The following CNTLN variants were observed in gnomAD, a reference collection of about 807,000 sequenced individuals.
CNTLN encodes the protein centlein, centrosomal protein.
Under a neutral mutation model 180.0 loss-of-function variants are expected in CNTLN, and 212 were observed. The ratio of observed to expected loss-of-function variants is 1.18; its 90% CI spans 1.05 to 1.32. CNTLN has a LOEUF of 1.32. Ranked by LOEUF, CNTLN falls within the 40% of genes most tolerant of loss-of-function variation. CNTLN has a pLI of 0.00. For missense variants in CNTLN, 2,095 were observed against 1,610.9 expected, an observed-to-expected ratio of 1.30 and a Z score of -5.14; for synonymous variants, 722 against 563.1, an observed-to-expected ratio of 1.28 and a Z score of -3.99.
chr9:17,461,710 T>C (rs1312080679), intron 19 of CNTLN, among the ~76,000 whole-genome samples: 1 of 151,656 alleles, frequency 6.6e-6, no homozygotes, highest in Non-Finnish European at 1.5e-5. Context: ...AAATATTAGC[T>C]AAATAACTAC....
intron 10 of CNTLN, among the ~76,000 whole-genome samples, chr9:17,340,371 C>T (rs546545806): frequency 3.3e-5 from 5 of 152,134 alleles, no homozygotes; most frequent in Non-Finnish European, 7.4e-5. Context: ...ATCCTTGTGC[C>T]TTAGTAAATA....
At chr9:17,308,953 G>C (rs1381165545) in intron 7 of CNTLN, 105 bp from the exon 8 acceptor site, 2 of 627,918 alleles carry the variant, frequency 3.2e-6, no homozygotes, top group Admixed American at 4.1e-5. Context: ...GGCAAGAACT[G>C]TGTTTATACA....
intron 18 of CNTLN, among the ~76,000 whole-genome samples, chr9:17,439,592 A>G (rs1829988793): frequency 1.3e-5 from 2 of 152,250 alleles, no homozygotes; most frequent in Admixed American, 6.5e-5. Flanking sequence ...ACTTGTAGTA[A>G]GATTAGAAGA....
chr9:17,365,024 C>A (rs10756877), intron 12 of CNTLN, among the ~76,000 whole-genome samples: 89,060 of 151,932 alleles, frequency 0.59, 26,414 homozygotes, highest in East Asian at 0.73. Flanking sequence ...AGTTTCCTGT[C>A]GTTAGCTCAT....
chr9:17,512,905 C>G, the CNTLN span, among the ~76,000 whole-genome samples: 1 of 152,180 alleles, frequency 6.6e-6, no homozygotes, highest in African/African-American at 2.4e-5. Flanking sequence ...CAAGCTCCGC[C>G]TCCCGGGTTC....
chr9:17,234,448 C>A (rs1825011638), intron 3 of CNTLN, among the ~76,000 whole-genome samples: 1 of 151,210 alleles, frequency 6.6e-6, no homozygotes, highest in South Asian at 2.1e-4. Flanking sequence ...ACCTGTCTCT[C>A]AAAAAAAACT....
At chr9:17,448,568 A>G (rs1006938194) in intron 18 of CNTLN, 9 of 152,216 alleles carry the variant, frequency 5.9e-5, no homozygotes, top group Admixed American at 3.9e-4. Context: ...CTGCCACCTC[A>G]TAGAGCTCCC....
chr9:17,341,003 G>A, intron 11 of CNTLN, 55 bp downstream of exon 11: 1 of 1,492,292 alleles, frequency 6.7e-7, no homozygotes, highest in Admixed American at 2.2e-5. Flanking sequence ...GAATGGAGTA[G>A]CATTATATAG....
intron 18 of CNTLN, among the ~76,000 whole-genome samples, chr9:17,450,306 T>A (rs1016522052): frequency 2.0e-5 from 3 of 152,148 alleles, no homozygotes; most frequent in African/African-American, 7.2e-5. Context: ...CTACACTTCA[T>A]GAAAAGAGTT....
Position 17,464,504 on chromosome 9 carries a change from C to T in CNTLN, c.3412C>T (p.Arg1138Ter), listed in dbSNP as rs754459158. 13 of 1,511,860 alleles carry T rather than the reference C, an allele frequency of 8.6e-6. No individual in the cohort carries two copies. The highest frequency in any genetic ancestry group is 1.5e-5 in the African/African-American group (1 of 67,070). 93.7% of individuals were successfully genotyped at this position (1,511,860 alleles called of 1,614,324 possible). Residue 1138 changes from arginine (R) to a stop codon, truncating the protein, a stop_gained, in exon 21 of 26, where the codon CGA becomes TGA. Coordinates refer to ENST00000380647, the MANE Select transcript of CNTLN (RefSeq NM_017738.4). LOFTEE classifies it high-confidence loss of function. ...HIKEMHEKIS[R>*]MERDITMKRH... is the part of the protein sequence containing the mutation. ...ACCTTTTTTTTTTTCAAGGATATCT[C>T]GAATGGAGAGGGATATAACTATGAA...
intron 25 of CNTLN, among the ~76,000 whole-genome samples, chr9:17,498,331 T>C (rs1379920184): frequency 1.3e-5 from 2 of 152,170 alleles, no homozygotes; most frequent in Admixed American, 6.6e-5. Context: ...CATTTATATG[T>C]CACCTCTAAA....
chr9:17,385,385 T>C (rs1825608245), intron 13 of CNTLN, among the ~76,000 whole-genome samples: 1 of 152,188 alleles, frequency 6.6e-6, no homozygotes, highest in Admixed American at 6.5e-5. Context: ...GTTAAAACCA[T>C]CTAATCACAT....
At chr9:17,265,342 C>G (rs560065390) in intron 5 of CNTLN, among the ~76,000 whole-genome samples, 14 of 152,072 alleles carry the variant, frequency 9.2e-5, no homozygotes, top group Non-Finnish European at 1.6e-4. Context: ...CTGGATTACA[C>G]TTATTGATTT....
chr9:17,425,455 G>T (rs955597444), intron 18 of CNTLN, among the ~76,000 whole-genome samples: 2 of 152,222 alleles, frequency 1.3e-5, no homozygotes, highest in African/African-American at 4.8e-5. Flanking sequence ...TAGATGGCTA[G>T]CCCTCTAGAA....
chr9:17,400,913 T>A (rs939344039), intron 15 of CNTLN, among the ~76,000 whole-genome samples: 2 of 152,214 alleles, frequency 1.3e-5, no homozygotes, highest in African/African-American at 4.8e-5. Flanking sequence ...TGCATTTTGT[T>A]GCTGTTTATA....
chr9:17,292,954 G>A (rs1829511416), intron 6 of CNTLN, among the ~76,000 whole-genome samples: 1 of 152,086 alleles, frequency 6.6e-6, no homozygotes, highest in African/African-American at 2.4e-5. Flanking sequence ...AGTTTGCGAG[G>A]ACCTTTTTGT....
intron 2 of CNTLN, among the ~76,000 whole-genome samples, chr9:17,170,239 T>G (rs183959319): frequency 3.0e-4 from 45 of 152,332 alleles, no homozygotes; most frequent in Non-Finnish European, 1.5e-4. Context: ...TTTTGTATTC[T>G]GAAACTTAAC....
At chr9:17,149,999 C>G (rs935861465) in intron 2 of CNTLN, among the ~76,000 whole-genome samples, 3 of 151,078 alleles carry the variant, frequency 2.0e-5, no homozygotes, top group African/African-American at 7.3e-5. Context: ...TTTGATGGAA[C>G]TTTTTTTTTC....
intron 12 of CNTLN, among the ~76,000 whole-genome samples, chr9:17,349,592 A>C (rs1443570891): frequency 2.0e-5 from 3 of 152,178 alleles, no homozygotes; most frequent in African/African-American, 7.2e-5. Flanking sequence ...TAGAGTTTCT[A>C]CCATTGAGTA....
Sources: gnomAD v4.1 joint callset for allele counts (sites outside exome capture counted in the v4.1 genomes callset) on GRCh38, gnomAD v4.1.1 for gene constraint, MANE v1.5 for transcripts, NCBI Gene and HGNC (gene_info 2026-07-23, HGNC 2026-07-21) for gene names.